QTMAN: variants seen among roughly 807,000 people sequenced by gnomAD.
QTMAN encodes tRNA-queuosine alpha-mannosyltransferase.
At chr2:144,105,306 C>T in the QTMAN span, among the ~76,000 whole-genome samples, 56 of 152,232 alleles carry the variant, frequency 3.7e-4, 1 homozygote, top group South Asian at 2.5e-3. Flanking sequence ...CAAACTTCTC[C>T]GAGCTAAAGG....
At chr2:144,099,037 T>C in the QTMAN span, among the ~76,000 whole-genome samples, 2 of 152,170 alleles carry the variant, frequency 1.3e-5, no homozygotes, top group African/African-American at 4.8e-5. Flanking sequence ...AGAATCTCCA[T>C]ATATAAGCAC....
At chr2:143,998,506 G>A in the QTMAN span, among the ~76,000 whole-genome samples, 4 of 149,588 alleles carry the variant, frequency 2.7e-5, no homozygotes, top group Non-Finnish European at 1.5e-5. Flanking sequence ...ATGACTGACC[G>A]AGTAAAAAAA....
the QTMAN span, among the ~76,000 whole-genome samples, chr2:144,227,878 G>T: frequency 6.6e-6 from 1 of 152,100 alleles, no homozygotes; most frequent in Non-Finnish European, 1.5e-5. Flanking sequence ...CTCACTCTAG[G>T]GGCTAGAAAG....
At chr2:143,998,988 G>A in the QTMAN span, among the ~76,000 whole-genome samples, 1 of 151,248 alleles carries the variant, frequency 6.6e-6, no homozygotes, top group Non-Finnish European at 1.5e-5. Context: ...GCAGGTGAAG[G>A]TCAATTACCA....
the QTMAN span, among the ~76,000 whole-genome samples, chr2:144,245,385 C>T: frequency 2.6e-5 from 4 of 152,096 alleles, no homozygotes; most frequent in Admixed American, 1.3e-4. Context: ...GGTGAAAAGT[C>T]TCTGTTTGTA....
At chr2:144,179,390 A>G in the QTMAN span, among the ~76,000 whole-genome samples, 1 of 152,198 alleles carries the variant, frequency 6.6e-6, no homozygotes, top group South Asian at 2.1e-4. Context: ...GAAAATATTC[A>G]CTGCCACTTT....
chr2:144,208,497 C>G, the QTMAN span: 1 of 930,594 alleles, frequency 1.1e-6, no homozygotes, highest in Non-Finnish European at 1.6e-6. Context: ...TCATAATAAC[C>G]AATTCCATAG....
At chr2:144,002,321 TA>T in the QTMAN span, among the ~76,000 whole-genome samples, 1 of 152,068 alleles carries the variant, frequency 6.6e-6, no homozygotes, top group African/African-American at 2.4e-5. Flanking sequence ...AGTTGTAAGC[TA>T]AACTAGTTGT....
chr2:144,316,942 A>T, the QTMAN span, among the ~76,000 whole-genome samples: 1 of 152,202 alleles, frequency 6.6e-6, no homozygotes, highest in African/African-American at 2.4e-5. Flanking sequence ...CCTCATAAGG[A>T]AATTGGGATA....
At chr2:144,216,587 CATTTT>C in the QTMAN span, among the ~76,000 whole-genome samples, 2 of 151,934 alleles carry the variant, frequency 1.3e-5, no homozygotes, top group African/African-American at 4.8e-5. Context: ...TATCTGGACA[CATTTT>C]ATTATGTTCT....
chr2:144,103,583 C>T, the QTMAN span, among the ~76,000 whole-genome samples: 1 of 151,968 alleles, frequency 6.6e-6, no homozygotes, highest in Admixed American at 6.6e-5. Context: ...TTCTAAGTTC[C>T]CTTAGTTGTA....
the QTMAN span, among the ~76,000 whole-genome samples, chr2:144,075,867 A>C: frequency 7.2e-5 from 11 of 152,350 alleles, 1 homozygote; most frequent in South Asian, 2.3e-3. Flanking sequence ...GCTACTGGAC[A>C]GTTGTGTCAG....
chr2:144,089,849 A>G, the QTMAN span, among the ~76,000 whole-genome samples: 8 of 152,094 alleles, frequency 5.3e-5, no homozygotes, highest in African/African-American at 1.9e-4. Context: ...AATAAATTCA[A>G]TGTTTGAAAC....
At chr2:143,954,234 G>T in the QTMAN span, among the ~76,000 whole-genome samples, 2 of 151,974 alleles carry the variant, frequency 1.3e-5, no homozygotes, top group Non-Finnish European at 2.9e-5. Context: ...TGGACCAAAA[G>T]AAAATATGCA....
the QTMAN span, among the ~76,000 whole-genome samples, chr2:144,126,653 T>G: frequency 6.6e-6 from 1 of 151,994 alleles, no homozygotes; most frequent in African/African-American, 2.4e-5. Flanking sequence ...CAACATTGAA[T>G]AAAATGGTAT....
the QTMAN span, among the ~76,000 whole-genome samples, chr2:144,219,223 T>C: frequency 1.3e-5 from 2 of 152,074 alleles, no homozygotes; most frequent in Non-Finnish European, 2.9e-5. Flanking sequence ...CTCCACCTAC[T>C]AGGTTCAAGT....
the QTMAN span, among the ~76,000 whole-genome samples, chr2:144,262,599 AGGAGG>A: frequency 1.2e-5 from 1 of 83,650 alleles, no homozygotes; most frequent in East Asian, 3.7e-4. Context: ...AAGGGGAGAG[AGGAGG>A]GGAGGGGAGA....
chr2:144,266,820 CA>C, the QTMAN span, among the ~76,000 whole-genome samples: 1 of 152,164 alleles, frequency 6.6e-6, no homozygotes. Context: ...TCCTACTTCA[CA>C]AATTTGTTGT....
chr2:143,996,618 T>C, the QTMAN span, among the ~76,000 whole-genome samples: 2 of 152,070 alleles, frequency 1.3e-5, no homozygotes. Flanking sequence ...TGGAAACAAA[T>C]GCTTCTCTAA....
Sources: gnomAD v4.1 joint callset for allele counts (sites outside exome capture counted in the v4.1 genomes callset) on GRCh38, gnomAD v4.1.1 for gene constraint, MANE v1.5 for transcripts, NCBI Gene and HGNC (gene_info 2026-07-23, HGNC 2026-07-21) for gene names.